AGBL4: variants seen among roughly 807,000 people sequenced by gnomAD.
The protein encoded by AGBL4 is AGBL carboxypeptidase 4.
In AGBL4, 58 loss-of-function variants were observed where a neutral mutation model predicts 66.4. The ratio of observed to expected loss-of-function variants is 0.87; its 90% CI spans 0.71 to 1.09. The LOEUF (loss-of-function observed/expected upper bound fraction) is 1.09, where lower values mean the gene tolerates loss of function less well. AGBL4 is among the 50% of genes least tolerant of loss of function. AGBL4 has a pLI of 0.00. For synonymous variants in AGBL4, 234 were observed against 222.9 expected (o/e 1.05, Z -0.44); for missense variants, 579 against 631.0 (o/e 0.92, Z 0.88).
At chr1:49,318,040 T>C (rs1023235098) in intron 3 of AGBL4, among the ~76,000 whole-genome samples, 3 of 152,054 alleles carry the variant, frequency 2.0e-5, no homozygotes, top group Non-Finnish European at 4.4e-5. Flanking sequence ...GAAAACAGAT[T>C]AGCCAACAAA....
At chr1:48,583,630 A>AG (rs1277541633) in intron 11 of AGBL4, among the ~76,000 whole-genome samples, 3 of 152,234 alleles carry the variant, frequency 2.0e-5, no homozygotes, top group Non-Finnish European at 2.9e-5. Context: ...AGCTCACCTC[A>AG]GACAGGTTAC....
chr1:49,976,330 G>A (rs1208941509), intron 1 of AGBL4, among the ~76,000 whole-genome samples: 2 of 151,928 alleles, frequency 1.3e-5, no homozygotes, highest in South Asian at 4.2e-4. Flanking sequence ...TACATTATTG[G>A]ACCATATTAA....
At chr1:49,788,789 A>G (rs528226368) in intron 2 of AGBL4, among the ~76,000 whole-genome samples, 3 of 152,360 alleles carry the variant, frequency 2.0e-5, no homozygotes, top group East Asian at 1.9e-4. Context: ...GCATGTAATA[A>G]GAGTTCCAAA....
intron 3 of AGBL4, among the ~76,000 whole-genome samples, chr1:49,661,252 C>A (rs1335332399): frequency 6.6e-6 from 1 of 152,052 alleles, no homozygotes; most frequent in African/African-American, 2.4e-5. Flanking sequence ...CACTACACAC[C>A]TATCAAACTA....
intron 2 of AGBL4, among the ~76,000 whole-genome samples, chr1:49,828,967 G>T (rs1645583291): frequency 6.6e-6 from 1 of 152,048 alleles, no homozygotes. Context: ...TACTCGGGAG[G>T]CTGAGGCAGG....
intron 4 of AGBL4, among the ~76,000 whole-genome samples, chr1:49,130,770 T>A (rs1237512225): frequency 6.6e-6 from 1 of 152,144 alleles, no homozygotes; most frequent in Non-Finnish European, 1.5e-5. Context: ...TTTGTTCTTT[T>A]GGCTTAGGAT....
chr1:49,042,567 C>T (rs996271782), intron 5 of AGBL4, among the ~76,000 whole-genome samples: 1 of 152,224 alleles, frequency 6.6e-6, no homozygotes, highest in Admixed American at 6.5e-5. Context: ...CCACCGTCTC[C>T]TTCATCCTGC....
intron 6 of AGBL4, among the ~76,000 whole-genome samples, chr1:48,690,337 G>A (rs1646609276): frequency 6.6e-6 from 1 of 152,138 alleles, no homozygotes; most frequent in African/African-American, 2.4e-5. Context: ...ATGGGGTGGG[G>A]GGCGCAGAGA....
intron 3 of AGBL4, among the ~76,000 whole-genome samples, chr1:49,598,180 T>C (rs1644885161): frequency 1.3e-5 from 2 of 152,202 alleles, no homozygotes; most frequent in Admixed American, 1.3e-4. Context: ...TATTTTGAGA[T>C]ACGTTCCATC....
intron 2 of AGBL4, among the ~76,000 whole-genome samples, chr1:49,849,162 T>C (rs1472706671): frequency 6.6e-6 from 1 of 152,026 alleles, no homozygotes; most frequent in African/African-American, 2.4e-5. Context: ...TTGCTGAAGA[T>C]CAAATGTAGA....
chr1:49,713,305 C>T (rs941381289), intron 2 of AGBL4, among the ~76,000 whole-genome samples: 3 of 151,966 alleles, frequency 2.0e-5, no homozygotes, highest in Non-Finnish European at 2.9e-5. Flanking sequence ...TTTGTAAACT[C>T]CAAGCTTACA....
intron 2 of AGBL4, among the ~76,000 whole-genome samples, chr1:49,792,805 T>C (rs1214643464): frequency 3.3e-5 from 5 of 151,998 alleles, no homozygotes; most frequent in African/African-American, 1.2e-4. Flanking sequence ...AAGAGGAATA[T>C]AGTAGAAATT....
chr1:49,127,334 T>C (rs1437248916), intron 4 of AGBL4, among the ~76,000 whole-genome samples: 1 of 152,114 alleles, frequency 6.6e-6, no homozygotes, highest in Non-Finnish European at 1.5e-5. Flanking sequence ...TTGGGTTTAG[T>C]GTATACTGCT....
intron 3 of AGBL4, among the ~76,000 whole-genome samples, chr1:49,264,101 GTAA>G (rs1481677626): frequency 6.6e-6 from 1 of 151,940 alleles, no homozygotes; most frequent in Non-Finnish European, 1.5e-5. Context: ...ATTATACATG[GTAA>G]TAATAATTTC....
intron 1 of AGBL4, among the ~76,000 whole-genome samples, chr1:50,001,098 T>C (rs1660718374): frequency 6.6e-6 from 1 of 151,754 alleles, no homozygotes; most frequent in Non-Finnish European, 1.5e-5. Flanking sequence ...TTATTGGTTA[T>C]GATTTTATAC....
intron 2 of AGBL4, among the ~76,000 whole-genome samples, chr1:49,753,897 G>A (rs533220499): frequency 1.1e-4 from 17 of 152,086 alleles, no homozygotes; most frequent in Admixed American, 2.0e-4. Context: ...TGAAGCTATC[G>A]TCCTGTGTTT....
At chr1:48,929,101 C>T (rs1043901024) in intron 5 of AGBL4, among the ~76,000 whole-genome samples, 1 of 152,216 alleles carries the variant, frequency 6.6e-6, no homozygotes, top group African/African-American at 2.4e-5. Context: ...TGCCCTTTGG[C>T]TGGCATGTCT....
At chr1:48,650,444 ACCTTCCTTCCTT>A (rs57012926) in intron 8 of AGBL4, among the ~76,000 whole-genome samples, 4,879 of 147,130 alleles carry the variant, frequency 0.033, 240 homozygotes, top group African/African-American at 0.11. Context: ...CTGAGAACCA[ACCTTCCTTCCTT>A]CCTTCCTTCC....
At chr1:49,948,061 TGTAA>T (rs1557608186) in intron 1 of AGBL4, among the ~76,000 whole-genome samples, 1 of 77,272 alleles carries the variant, frequency 1.3e-5, no homozygotes, top group African/African-American at 5.7e-5. Context: ...AATATATATA[TGTAA>T]ATATATGTAA....
Sources: allele counts gnomAD v4.1 joint callset (sites outside exome capture counted in the v4.1 genomes callset), GRCh38; gene constraint gnomAD v4.1.1; transcripts MANE v1.5; gene names NCBI Gene and HGNC (gene_info 2026-07-23, HGNC 2026-07-21).